Variants in MUC6 observed in about 807,000 individuals in gnomAD.
The protein encoded by MUC6 is mucin-6.
Under a neutral mutation model 201.5 loss-of-function variants are expected in MUC6, and 188 were observed. The ratio of observed to expected loss-of-function variants is 0.93; its 90% confidence interval spans 0.83 to 1.05. MUC6 has a LOEUF of 1.05. Among genes scored for constraint, MUC6 ranks in the 50% least tolerant of loss-of-function variants. The pLI is 0.00. For synonymous variants in MUC6, 1,228 were observed against 1,389.4 expected, an observed-to-expected ratio of 0.88 and a Z score of 2.58; for missense variants, 2,706 against 3,256.9, an observed-to-expected ratio of 0.83 and a Z score of 4.12.
In MUC6 at chr11:1,029,337, G is replaced by A. The variant is rs755193369; in HGVS notation, c.1166C>T (p.Thr389Met). Reference protein sequence around the residue: ...CRCTLGRWVCTERPCPGHCSL... With the variant: ...CRCTLGRWVCMERPCPGHCSL... ...GCAGTGTCCGGGGCACGGCCGCTCC[G>A]TGCACACCCAGCGGCCCAGGGTGCA... Residue 389 changes from threonine to methionine, a missense_variant, in exon 10 of 33, where the codon ACG becomes ATG. Physicochemically the swap from Thr to Met is moderately conservative, Grantham distance 81. This residue lies in a region of MUC6 where 1,850 missense variants were observed against 1,958.3 expected (regional missense o/e 0.94). Coordinates refer to ENST00000421673, the MANE Select transcript of MUC6 (RefSeq NM_005961.3). 3.7e-6 allele frequency: 6 copies of A among 1,603,550 alleles called. No individual in the cohort carries two copies. The highest frequency in any genetic ancestry group is 3.4e-5 in the Admixed American group (2 of 58,750).
At chr11:1,023,344 ATG>A (rs1472499639) in intron 26 of MUC6, among the ~76,000 whole-genome samples, 163 bp downstream of exon 26, 10 of 151,426 alleles carry the variant, frequency 6.6e-5, no homozygotes, top group African/African-American at 2.0e-4. Context: ...ATGAATGTGA[ATG>A]TGCGTGAGTG....
chr11:1,036,173 G>T (rs1449443210), intron 1 of MUC6, among the ~76,000 whole-genome samples: 1 of 146,676 alleles, frequency 6.8e-6, no homozygotes, highest in Non-Finnish European at 1.5e-5. Context: ...AGGAAACGAG[G>T]CCCAGGGCCC....
intron 11 of MUC6, 25 bp from the exon 12 acceptor site, chr11:1,028,986 G>A (rs751164807): frequency 1.2e-6 from 2 of 1,612,944 alleles, no homozygotes; most frequent in East Asian, 4.5e-5. Flanking sequence ...GCCTGAGTCA[G>A]GGTGCAGGCA....
At position 1,032,060 on chromosome 11, in the gene MUC6, A is replaced by G. The variant is rs780996149; in HGVS notation, c.116-7T>C. The G allele has an allele frequency of 3.7e-6, 6 of 1,612,588 alleles. No individual in the cohort carries two copies. Among genetic ancestry groups the G allele is most frequent in the African/African-American group, 2.7e-5 (2 of 74,892 alleles). The stretch of plus-strand genomic sequence containing the variant: ...CACTGGCCTTTGTCCGGGGCTACAG[A>G]GAGAGCAGTGCTCACACAGCCCTGT... On this transcript the variant is annotated splice_polypyrimidine_tract_variant and splice_region_variant and intron_variant, in intron 2 of 32. Transcript: ENST00000421673.
intron 4 of MUC6, 108 bp from the exon 5 acceptor site, chr11:1,031,367 C>T (rs1427109436): frequency 8.3e-7 from 1 of 1,208,414 alleles, no homozygotes; most frequent in Non-Finnish European, 1.1e-6. Flanking sequence ...CATCCCCCCA[C>T]CTGCTCATCT....
At position 1,021,220 on chromosome 11, in the gene MUC6, G is replaced by A. The variant is rs1356037106; in HGVS notation, c.3584C>T (p.Pro1195Leu). The change falls in exon 27 of 33, where the codon CCC becomes CTC. Residue 1195 changes from proline (P) to leucine (L), a missense_variant. Coordinates refer to ENST00000421673, the MANE Select transcript of MUC6 (RefSeq NM_005961.3). ...YFDHEEGVCVPCMPPTTPQPP... is the reference protein window; with the variant it reads ...YFDHEEGVCVLCMPPTTPQPP... ...GGGCAGCCGACTGGACTTACTGCAG[G>A]GCACGCACACCCCCTCCTCGTGGTC... 3 of 1,588,092 alleles carry A rather than the reference G, an allele frequency of 1.9e-6. No homozygotes were observed. Among genetic ancestry groups the A allele is most frequent in the Non-Finnish European group, 2.6e-6 (3 of 1,169,062 alleles).
rs372195803 is a variant in MUC6 at position 1,028,630 on chromosome 11, A to G, written c.1591+16T>C. On this transcript the variant is annotated intron_variant, in intron 13 of 32. Coordinates refer to ENST00000421673, the MANE Select transcript of MUC6 (RefSeq NM_005961.3). ...GGGATGAGGCAACAGGGCCACCTGG[A>G]GAGGCAGGGACTCACCTCTGGTCTG... The G allele has an allele frequency of 1.2e-6, 2 of 1,604,426 alleles. No individual in the cohort carries two copies. Among genetic ancestry groups the G allele is most frequent in the South Asian group, 1.1e-5 (1 of 89,382 alleles).
Position 1,024,034 on chromosome 11 carries a change from C to CA in MUC6, c.3294dup (p.Glu1099Ter). The stretch of plus-strand genomic sequence containing the variant: ...GCAGCCACGGCATCGCACAGACACT[C>CA]ACAGTCCCCGCCACTGTCACACCCA... On this transcript the variant is annotated frameshift_variant, in exon 25 of 33. Coordinates refer to ENST00000421673, the MANE Select transcript of MUC6 (RefSeq NM_005961.3). LOFTEE classifies it high-confidence loss of function. 1 of 1,611,338 alleles carries CA rather than the reference C, an allele frequency of 6.2e-7. No individual in the cohort carries two copies. Among genetic ancestry groups the CA allele is most frequent in the African/African-American group, 1.3e-5 (1 of 75,028 alleles).
chr11:1,030,089 G>A (rs1210166682), intron 8 of MUC6, 124 bp downstream of exon 8: 1 of 1,234,116 alleles, frequency 8.1e-7, no homozygotes, highest in Non-Finnish European at 1.1e-6. Flanking sequence ...AGGCGCCAGA[G>A]CTGGGACTCA....
At position 1,017,609 on chromosome 11, in the gene MUC6, C is replaced by G; in HGVS notation, c.5192G>C (p.Ser1731Thr). The change falls in exon 31 of 33, where the codon AGT becomes ACT. Residue 1731 changes from serine (S) to threonine (T), a missense_variant. Transcript: ENST00000421673. ...TGTPPMTVTT[S>T]GTSQSRSSFS... ...TGAGCTTCGGGATTGGCTGGTCCCA[C>G]TGGTGGTCACTGTCATTGGTGGGGT... The G allele has an allele frequency of 9.2e-7, 1 of 1,091,580 alleles. No homozygotes were observed. The highest frequency in any genetic ancestry group is 2.3e-4 in the Middle Eastern group (1 of 4,268). The allele number at this position is 1,091,580 out of a possible 1,614,324, so 67.6% of individuals were successfully genotyped here. A position where few individuals can be genotyped will look rare whatever the true frequency, so the allele number is the denominator to read the frequency against.
Position 1,018,107 on chromosome 11 carries a change from G to C in MUC6, c.4694C>G (p.Thr1565Ser). The C allele has an allele frequency of 1.9e-6, 3 of 1,613,582 alleles. No individual in the cohort carries two copies. Among genetic ancestry groups the C allele is most frequent in the Non-Finnish European group, 2.5e-6 (3 of 1,179,800 alleles). The change falls in exon 31 of 33, where the codon ACC (threonine) becomes AGC (serine). Residue 1565 changes from threonine to serine, a missense_variant. This residue lies in a region of MUC6 where 128 missense variants were observed against 206.5 expected (regional missense o/e 0.62). Transcript: ENST00000421673. ...GAAGGGTGGTGGTGGCCTGCTGCTG[G>C]TGGCTGAGTTGGTGTGGGCCACAGG... ...RTPVAHTNSATSSRPPPPFTT... is the reference protein window; with the variant it reads ...RTPVAHTNSASSSRPPPPFTT...
In MUC6 at chr11:1,012,883, C is replaced by T. The variant is rs997586122; in HGVS notation, c.*573G>A. ...ACCGGGTGACGCCCTCTCCCAAGGA[C>T]AGGCTGCTGGGGATGGGTGTGGTGC... is the stretch of plus-strand genomic sequence containing the variant. On this transcript the variant is annotated 3_prime_UTR_variant, in exon 33 of 33. Transcript: ENST00000421673. 6.5e-6 allele frequency: 1 copy of T among 154,510 alleles called. No homozygotes were observed. Among genetic ancestry groups the T allele is most frequent in the Admixed American group, 6.5e-5 (1 of 15,446 alleles). 9.6% of individuals were successfully genotyped at this position (154,510 alleles called of 1,614,324 possible).
At chr11:1,029,460 C>T (rs757265774) in intron 9 of MUC6, 35 bp downstream of exon 9, 67 of 1,608,874 alleles carry the variant, frequency 4.2e-5, no homozygotes, top group African/African-American at 6.7e-5. Context: ...GAACCCCTGC[C>T]GGCCGGCCAG....
In MUC6 at chr11:1,020,180, G is replaced by C; in HGVS notation, c.3718C>G (p.Pro1240Ala). 6.2e-7 allele frequency: 1 copy of C among 1,612,676 alleles called. No individual in the cohort carries two copies. The highest frequency in any genetic ancestry group is 8.5e-7 in the Non-Finnish European group (1 of 1,179,760). The stretch of plus-strand genomic sequence containing the variant: ...CTGGCAGGGGTGTGATTAGAGCTGG[G>C]TGAGGGTCCGGTGGAGCTGAGAAGC... Reference protein sequence around the residue: ...IGLLSSTGPSPSSNHTPASPT... With the variant: ...IGLLSSTGPSASSNHTPASPT... Residue 1240 changes from proline to alanine, a missense_variant, in exon 29 of 33, where the codon CCC (proline) becomes GCC (alanine). Coordinates refer to ENST00000421673, the MANE Select transcript of MUC6 (RefSeq NM_005961.3).
In MUC6 at chr11:1,018,109, G is replaced by A; in HGVS notation, c.4692C>T (p.Ala1564=). 6.2e-7 allele frequency: 1 copy of A among 1,613,782 alleles called. No homozygotes were observed. Among genetic ancestry groups the A allele is most frequent in the South Asian group, 1.1e-5 (1 of 91,088 alleles). ...AGGGTGGTGGTGGCCTGCTGCTGGT[G>A]GCTGAGTTGGTGTGGGCCACAGGGG... ...TRTPVAHTNS[A]TSSRPPPPFT... is the part of the protein sequence containing the mutation. Residue 1564 remains alanine, a synonymous_variant, in exon 31 of 33, where the codon GCC becomes GCT. Transcript: ENST00000421673.
At position 1,021,345 on chromosome 11, in the gene MUC6, C is replaced by T. The variant is rs1856802054; in HGVS notation, c.3527-68G>A. On this transcript the variant is annotated intron_variant, in intron 26 of 32. Coordinates refer to ENST00000421673, the MANE Select transcript of MUC6 (RefSeq NM_005961.3). ...CCAGGCCCACCTGCGTGTTTCCTGC[C>T]CTGGCGGCCTCCTTCCTCTCTGCTT... The T allele has an allele frequency of 7.3e-6, 8 of 1,098,888 alleles. No individual in the cohort carries two copies. In the South Asian group the frequency reaches 1.6e-4, roughly 23 times the overall value. The allele number at this position is 1,098,888 out of a possible 1,614,324, so 68.1% of individuals were successfully genotyped here.
At chr11:1,030,419 C>T in intron 7 of MUC6, 84 bp from the exon 8 acceptor site, 1 of 1,256,702 alleles carries the variant, frequency 8.0e-7, no homozygotes, top group Non-Finnish European at 1.0e-6. Context: ...AGGACTTAGC[C>T]CAGCCCTTCC....
intron 21 of MUC6, 27 bp from the exon 22 acceptor site, chr11:1,025,942 G>A (rs1312160699): frequency 1.9e-6 from 3 of 1,597,348 alleles, no homozygotes; most frequent in Non-Finnish European, 2.6e-6. Flanking sequence ...CTGAGGAGGA[G>A]CCCTGGAGGC....
Position 1,023,995 on chromosome 11 carries a change from AG to A in MUC6, c.3333del (p.Cys1112ValfsTer112), listed in dbSNP as rs773383956. 6.2e-7 allele frequency: 1 copy of A among 1,612,518 alleles called. No individual in the cohort carries two copies. The highest frequency in any genetic ancestry group is 1.1e-5 in the South Asian group (1 of 91,000). On this transcript the variant is annotated frameshift_variant, in exon 25 of 33. Transcript: ENST00000421673. LOFTEE classifies it high-confidence loss of function. Reference sequence around the variant, plus strand: ...TCCACGCACACACCCTTGTCCAGACAGGCTTGGGCGTAGGCAGCCACGGCAT... The same window carrying A: ...TCCACGCACACACCCTTGTCCAGACAGCTTGGGCGTAGGCAGCCACGGCAT... ...LCDAVAAYAQ[A>X]CLDKGVCVDW...
Sources: gnomAD v4.1 joint callset for allele counts (sites outside exome capture counted in the v4.1 genomes callset) on GRCh38, gnomAD v4.1.1 for gene constraint, gnomAD v4.1.1 regional missense constraint, MANE v1.5 for transcripts, NCBI Gene and HGNC (gene_info 2026-07-23, HGNC 2026-07-21) for gene names.